CADM4: variants seen among roughly 807,000 people sequenced by gnomAD.
CADM4 encodes the protein TSLC1-like 2.
CADM4 carries 13 observed loss-of-function variants against 43.9 expected under a neutral mutation model. The ratio of observed to expected loss-of-function variants is 0.30; its 90% CI spans 0.19 to 0.47. The LOEUF is 0.47. Among genes scored for constraint, CADM4 ranks in the 20% least tolerant of loss-of-function variants. The probability of loss-of-function intolerance (pLI) is 1.00; values close to 1 mark genes in which losing one functional copy is unlikely to be tolerated. For synonymous variants in CADM4, 209 were observed against 220.9 expected, an observed-to-expected ratio of 0.95 and a Z score of 0.48; for missense variants, 420 against 527.0, an observed-to-expected ratio of 0.80 and a Z score of 1.99.
Position 43,627,830 on chromosome 19 carries a change from G to A in CADM4, c.65-40C>T. ...AAAGAGACAGGATAGAAGACTTACT[G>A]AGAGCTGCAATTCAATTTTTTCTTT... On this transcript the variant is annotated intron_variant, in intron 1 of 8. Transcript: ENST00000222374. This position sits in a 1 kb window ranked among gnomAD's most constrained non-coding sequence, Gnocchi z 4.0. The A allele has an allele frequency of 6.3e-7, 1 of 1,575,964 alleles. No individual in the cohort carries two copies. The highest frequency in any genetic ancestry group is 8.7e-7 in the Non-Finnish European group (1 of 1,151,556).
intron 1 of CADM4, among the ~76,000 whole-genome samples, chr19:43,633,071 CAAAA>C (rs1167707172): frequency 5.3e-5 from 3 of 56,986 alleles, no homozygotes; most frequent in African/African-American, 1.9e-4. Flanking sequence ...GACTCTGTCT[CAAAA>C]AAAAAAAAAA....
chr19:43,639,515 T>TG (rs1229638978), intron 1 of CADM4, among the ~76,000 whole-genome samples: 1 of 138,376 alleles, frequency 7.2e-6, no homozygotes, highest in Non-Finnish European at 1.6e-5. Context: ...CCTGCGCGGG[T>TG]GGGGGGGCTG....
At chr19:43,632,671 C>T (rs987657967) in intron 1 of CADM4, among the ~76,000 whole-genome samples, 8 of 152,078 alleles carry the variant, frequency 5.3e-5, no homozygotes, top group Non-Finnish European at 8.8e-5. Context: ...CTCCCAAGCC[C>T]CATCTTCCCA....
In CADM4 at chr19:43,626,474, C is replaced by T. The variant is rs1973530242; in HGVS notation, c.500-186G>A. The stretch of plus-strand genomic sequence containing the variant: ...GTGCCTCCTCCCAAAGCTCTTCCCT[C>T]TTTCACGCTCATGCTTTCTCGTCTA... On this transcript the variant is annotated intron_variant, in intron 4 of 8. Transcript: ENST00000222374. This position sits in a 1 kb window ranked among gnomAD's most constrained non-coding sequence, Gnocchi z 5.9. Among the ~76,000 whole-genome samples the T allele has an allele frequency of 6.6e-6, 1 of 152,148 alleles. No homozygotes were observed. The highest frequency in any genetic ancestry group is 2.4e-5 in the African/African-American group (1 of 41,408).
rs1198629366 is a variant in CADM4 at position 43,627,984 on chromosome 19, G to C, written c.65-194C>G. On this transcript the variant is annotated intron_variant, in intron 1 of 8. Transcript: ENST00000222374. The surrounding 1 kb of genome is among the most constrained non-coding windows in gnomAD (Gnocchi z 4.0). Reference sequence around the variant, plus strand: ...TGCTCCCTACTCTAAAAGAGCTGCAGTCAAGATTTAGTAGAATATGCTCTA... The same window carrying C: ...TGCTCCCTACTCTAAAAGAGCTGCACTCAAGATTTAGTAGAATATGCTCTA... Among the ~76,000 whole-genome samples, 1 of 152,142 alleles carries C rather than the reference G, an allele frequency of 6.6e-6. No homozygotes were observed. Among genetic ancestry groups the C allele is most frequent in the Non-Finnish European group, 1.5e-5 (1 of 68,036 alleles).
Position 43,627,066 on chromosome 19 carries a change from C to G in CADM4, c.364+100G>C. The G allele has an allele frequency of 6.7e-7, 1 of 1,489,692 alleles. No individual in the cohort carries two copies. The highest frequency in any genetic ancestry group is 2.2e-5 in the Admixed American group (1 of 45,586). The allele number at this position is 1,489,692 out of a possible 1,614,324, so 92.3% of individuals were successfully genotyped here. On this transcript the variant is annotated intron_variant, in intron 3 of 8. Coordinates refer to ENST00000222374, the MANE Select transcript of CADM4 (RefSeq NM_145296.2). The surrounding 1 kb of genome is among the most constrained non-coding windows in gnomAD (Gnocchi z 4.0). ...GAGAGGTCAGGAGCCAGATGCCCAT[C>G]CAGGATGTTAAAAATAGCCATGGTC...
In CADM4 at chr19:43,626,256, A is replaced by G. The variant is rs542571189; in HGVS notation, c.532T>C (p.Trp178Arg). The G allele has an allele frequency of 6.2e-7, 1 of 1,612,712 alleles. No homozygotes were observed. The highest frequency in any genetic ancestry group is 1.1e-5 in the South Asian group (1 of 91,086). The change falls in exon 5 of 9, where the codon TGG becomes CGG. Residue 178 changes from tryptophan to arginine, a missense_variant. Coordinates refer to ENST00000222374, the MANE Select transcript of CADM4 (RefSeq NM_145296.2). This position sits in a 1 kb window ranked among gnomAD's most constrained non-coding sequence, Gnocchi z 5.9. ...AACCGTACTGTGCTTGCCACGCTCC[A>G]GACCTTGCCATTTTCCTGGCTGCTG... Reference protein sequence around the residue: ...VSSSQENGKVWSVASTVRFRV... With the variant: ...VSSSQENGKVRSVASTVRFRV...
intron 1 of CADM4, among the ~76,000 whole-genome samples, chr19:43,630,528 C>T (rs1707086349): frequency 1.3e-5 from 2 of 151,904 alleles, no homozygotes; most frequent in South Asian, 4.2e-4. Context: ...TCGTGATCCA[C>T]CCGCCTCGGC....
At chr19:43,639,148 T>G in intron 1 of CADM4, among the ~76,000 whole-genome samples, 1 of 142,964 alleles carries the variant, frequency 7.0e-6, no homozygotes, top group African/African-American at 2.7e-5. Context: ...GGACCAAGAA[T>G]AGGGGCAGAG....
rs1204490556 is a variant in CADM4 at position 43,622,463 on chromosome 19, G to GT, written c.*866dup. ...GTACAAAATGTGTGTGTGGTTTTTTGTTTTTTGTTTTTTGTTTTTTAACAA... is the reference window on the plus strand; with the variant it reads ...GTACAAAATGTGTGTGTGGTTTTTTGTTTTTTTGTTTTTTGTTTTTTAACAA... On this transcript the variant is annotated 3_prime_UTR_variant, in exon 9 of 9. Transcript: ENST00000222374. The GT allele has an allele frequency of 6.6e-6, 1 of 151,402 alleles. No individual in the cohort carries two copies. Among genetic ancestry groups the GT allele is most frequent in the Non-Finnish European group, 1.5e-5 (1 of 67,804 alleles). The allele number at this position is 151,402 out of a possible 1,614,324, so 9.4% of individuals were successfully genotyped here. A position where few individuals can be genotyped will look rare whatever the true frequency, so the allele number is the denominator to read the frequency against.
chr19:43,633,557 G>A (rs1364863574), intron 1 of CADM4, among the ~76,000 whole-genome samples: 4 of 152,196 alleles, frequency 2.6e-5, no homozygotes, highest in South Asian at 2.1e-4. Context: ...CCAGAAGAGT[G>A]CTTGGCACCT....
At chr19:43,637,636 C>T (rs781167091) in intron 1 of CADM4, among the ~76,000 whole-genome samples, 15 of 152,116 alleles carry the variant, frequency 9.9e-5, no homozygotes, top group Admixed American at 4.6e-4. Context: ...GGAAATCAAA[C>T]GAGGGACAGG....
At chr19:43,624,875 TA>T in intron 7 of CADM4, 1 of 588,298 alleles carries the variant, frequency 1.7e-6, no homozygotes, top group Non-Finnish European at 3.0e-6. Context: ...TACTGATGGG[TA>T]AACTGAGGCG....
At chr19:43,639,958 A>T, upstream of CADM4, 2 of 387,022 alleles carry the variant, frequency 5.2e-6, no homozygotes, top group Non-Finnish European at 7.0e-6. Flanking sequence ...GCCCGGAGAC[A>T]ATCGGGGGGA....
At position 43,627,633 on chromosome 19, in the gene CADM4, C is replaced by T; in HGVS notation, c.211+11G>A. On this transcript the variant is annotated intron_variant, in intron 2 of 8. Transcript: ENST00000222374. This position sits in a 1 kb window ranked among gnomAD's most constrained non-coding sequence, Gnocchi z 4.0. ...CCTTTAAGACTCCTGAGTCTGGTCC[C>T]CAGCACTCACCACGGGTGCCATTGA... 6.2e-7 allele frequency: 1 copy of T among 1,612,384 alleles called. No individual in the cohort carries two copies. The highest frequency in any genetic ancestry group is 8.5e-7 in the Non-Finnish European group (1 of 1,178,644).
chr19:43,630,783 C>T (rs923156501), intron 1 of CADM4, among the ~76,000 whole-genome samples: 3 of 152,130 alleles, frequency 2.0e-5, no homozygotes, highest in South Asian at 2.1e-4. Context: ...TGATGGGCCT[C>T]GAATGCCAAC....
chr19:43,625,063 G>T lies in CADM4; in HGVS notation c.928+15C>A, dbSNP rs756000392. 9.7e-6 allele frequency: 10 copies of T among 1,026,624 alleles called. No individual in the cohort carries two copies. The East Asian group carries it at 4.8e-4, about 50-fold the overall frequency. The allele number at this position is 1,026,624 out of a possible 1,614,324, so 63.6% of individuals were successfully genotyped here. A position where few individuals can be genotyped will look rare whatever the true frequency, so the allele number is the denominator to read the frequency against. ...GCCCCGCCCCCGCCCTCAGTCGGCC[G>T]CAGCCTGCTCTCACCGTAGACCACA... On this transcript the variant is annotated intron_variant, in intron 7 of 8. Coordinates refer to ENST00000222374, the MANE Select transcript of CADM4 (RefSeq NM_145296.2). The surrounding 1 kb of genome is among the most constrained non-coding windows in gnomAD (Gnocchi z 4.5).
chr19:43,622,921 ATGGGGTCTAGGACCCCCAAAGAAATC>A lies in CADM4; in HGVS notation c.*383_*408del, dbSNP rs1973460696. 6.7e-6 allele frequency: 1 copy of A among 148,456 alleles called. No homozygotes were observed. The highest frequency in any genetic ancestry group is 2.0e-4 in the South Asian group (1 of 4,900). The allele number at this position is 148,456 out of a possible 1,614,324, so 9.2% of individuals were successfully genotyped here. A position where few individuals can be genotyped will look rare whatever the true frequency, so the allele number is the denominator to read the frequency against. ...CTGTGGAACTCTTACAATGGCTGGC[ATGGGGTCTAGGACCCCCAAAGAAATC>A]TGTGTTCCCCTTCCCTGCCCCCCCC... On this transcript the variant is annotated 3_prime_UTR_variant, in exon 9 of 9. Transcript: ENST00000222374.
chr19:43,639,688 G>A (rs1181594069), intron 1 of CADM4, 39 bp downstream of exon 1: 18 of 732,924 alleles, frequency 2.5e-5, no homozygotes, highest in East Asian at 1.3e-4. Context: ...CGCGCCCCCC[G>A]CCCCAGCCCG....
Sources: gnomAD v4.1 joint callset for allele counts (sites outside exome capture counted in the v4.1 genomes callset) on GRCh38, gnomAD v4.1.1 for gene constraint, Gnocchi (gnomAD v3.1) non-coding constraint, MANE v1.5 for transcripts, NCBI Gene and HGNC (gene_info 2026-07-23, HGNC 2026-07-21) for gene names.